Variants in KMT2C observed in about 807,000 individuals in gnomAD.
KMT2C encodes lysine methyltransferase 2C, also known as histone-lysine N-methyltransferase 2C.
KMT2C carries 88 observed loss-of-function variants against 507.9 expected under a neutral mutation model. The ratio of observed to expected loss-of-function variants is 0.17; its 90% CI spans 0.15 to 0.21. KMT2C has a LOEUF of 0.21. KMT2C is among the 10% of genes least tolerant of loss of function. The probability of loss-of-function intolerance (pLI) is 1.00; values close to 1 mark genes in which losing one functional copy is unlikely to be tolerated. For synonymous variants in KMT2C, 2,049 were observed against 2,080.8 expected, an observed-to-expected ratio of 0.98 and a Z score of 0.42; for missense variants, 4,954 against 5,957.8, an observed-to-expected ratio of 0.83 and a Z score of 5.55.
At chr7:152,290,273 TATATATATATATATATATATA>T (rs1421613398) in intron 6 of KMT2C, among the ~76,000 whole-genome samples, 63 of 29,694 alleles carry the variant, frequency 2.1e-3, no homozygotes, top group Non-Finnish European at 2.2e-3. Context: ...TATATATATA[TATATATATATATATATATATA>T]TTTTTTTTTT....
Position 152,136,812 on chromosome 7 carries a change from G to T in KMT2C, c.*20C>A, listed in dbSNP as rs752440002. 4 of 1,583,320 alleles carry T rather than the reference G, an allele frequency of 2.5e-6. No individual in the cohort carries two copies. Among genetic ancestry groups the T allele is most frequent in the Admixed American group, 1.7e-5 (1 of 60,000 alleles). Reference sequence around the variant, plus strand: ...TCTTCCTAGGGACAAGCCGCCCGCTGAGCTAGCAAGGAATGCATTTCAGTT... The same window carrying T: ...TCTTCCTAGGGACAAGCCGCCCGCTTAGCTAGCAAGGAATGCATTTCAGTT... On this transcript the variant is annotated 3_prime_UTR_variant, in exon 59 of 59. Transcript: ENST00000262189.
intron 3 of KMT2C, among the ~76,000 whole-genome samples, chr7:152,319,677 T>G (rs1230677236): frequency 6.6e-6 from 1 of 152,166 alleles, no homozygotes; most frequent in Non-Finnish European, 1.5e-5. Flanking sequence ...CGTCTGCCTG[T>G]GATGCCGTGC....
chr7:152,307,333 AGAGG>A (rs570606244), intron 6 of KMT2C, among the ~76,000 whole-genome samples: 486 of 108,020 alleles, frequency 4.5e-3, no homozygotes, highest in Middle Eastern at 0.015. Context: ...GAGGAAGGAA[AGAGG>A]GAGGGAGGGA....
chr7:152,326,929 T>C (rs2096834461), intron 3 of KMT2C, among the ~76,000 whole-genome samples: 2 of 152,322 alleles, frequency 1.3e-5, no homozygotes, highest in African/African-American at 4.8e-5. Flanking sequence ...CTGTTCATCC[T>C]ATTTTAAGGA....
chr7:152,294,022 CT>C (rs5888465), intron 6 of KMT2C, among the ~76,000 whole-genome samples: 11,616 of 133,062 alleles, frequency 0.087, 1,079 homozygotes, highest in African/African-American at 0.24. Context: ...CCACACCTGC[CT>C]TTTTTTTTTT....
rs9969322 is a variant in KMT2C, at chr7:152,136,607, T to G, written c.*225A>C. 1.7e-5 allele frequency: 9 copies of G among 527,196 alleles called. No homozygotes were observed. Among genetic ancestry groups the G allele is most frequent in the Non-Finnish European group, 3.0e-5 (9 of 296,554 alleles). 32.7% of individuals were successfully genotyped at this position (527,196 alleles called of 1,614,324 possible). On this transcript the variant is annotated 3_prime_UTR_variant, in exon 59 of 59. Coordinates refer to ENST00000262189, the MANE Select transcript of KMT2C (RefSeq NM_170606.3). ...AAAAAGCAAAAGTGCTGGACCATTC[T>G]GTGATTCCGTTTAACCTCGGCCACT...
At position 152,369,338 on chromosome 7, in the gene KMT2C, C is replaced by A. The variant is rs867376567; in HGVS notation, c.162-10663G>T. 3.1e-3 allele frequency among the ~76,000 whole-genome samples: 438 copies of A among 139,672 alleles called. 3 individuals are homozygous for A. Among genetic ancestry groups the A allele is most frequent in the Middle Eastern group, 0.011 (3 of 284 alleles). 91.6% of individuals were successfully genotyped at this position (139,672 alleles called of 152,430 possible). ...GCCCTGTCTCAAAAAAAAACAAAAA[C>A]AAAAAAAAAAACAAGATGGCAAATT... On this transcript the variant is annotated intron_variant, in intron 1 of 58. Transcript: ENST00000262189.
intron 6 of KMT2C, among the ~76,000 whole-genome samples, chr7:152,307,203 A>G (rs537242517): frequency 1.3e-3 from 105 of 77,820 alleles, no homozygotes; most frequent in Middle Eastern, 5.5e-3. Flanking sequence ...GGGAGGAAGG[A>G]AGGAAGGAAG....
chr7:152,194,187 G>A (rs2093895764), intron 30 of KMT2C, 42 bp downstream of exon 30: 1 of 1,560,104 alleles, frequency 6.4e-7, no homozygotes, highest in Non-Finnish European at 8.6e-7. Flanking sequence ...CCTGGTATGG[G>A]GAACGCCATT....
chr7:152,284,317 A>G (rs1047323713), intron 6 of KMT2C, among the ~76,000 whole-genome samples: 1 of 152,162 alleles, frequency 6.6e-6, no homozygotes, highest in Non-Finnish European at 1.5e-5. Flanking sequence ...ATATTCAATT[A>G]ATTTTTGACC....
chr7:152,274,733 T>C (rs2096050156), intron 6 of KMT2C, among the ~76,000 whole-genome samples: 1 of 152,190 alleles, frequency 6.6e-6, no homozygotes, highest in African/African-American at 2.4e-5. Context: ...GAAATGACTA[T>C]CTAACATAAA....
chr7:152,363,638 A>G (rs954757581), intron 1 of KMT2C, among the ~76,000 whole-genome samples: 4 of 152,176 alleles, frequency 2.6e-5, no homozygotes, highest in Non-Finnish European at 5.9e-5. Context: ...TTTAGAAACT[A>G]CCACACAGAG....
chr7:152,206,992 A>T lies in KMT2C; in HGVS notation c.3841+308T>A, dbSNP rs187139950. 8.4e-3 allele frequency among the ~76,000 whole-genome samples: 1,276 copies of T among 152,304 alleles called. 19 individuals carry two copies. The highest frequency in any genetic ancestry group is 0.029 in the African/African-American group (1,223 of 41,568). ...AGAAGTACACATCCAGAGGAACTATATAAATGGCCTTCAAAGTCCAAGTAT... is the reference window on the plus strand; with the variant it reads ...AGAAGTACACATCCAGAGGAACTATTTAAATGGCCTTCAAAGTCCAAGTAT... On this transcript the variant is annotated intron_variant, in intron 24 of 58. Transcript: ENST00000262189.
chr7:152,252,923 G>C (rs1437453981), intron 9 of KMT2C, among the ~76,000 whole-genome samples: 1 of 151,918 alleles, frequency 6.6e-6, no homozygotes, highest in African/African-American at 2.4e-5. Flanking sequence ...CGCAATCTTG[G>C]CTCACTGCAA....
intron 3 of KMT2C, among the ~76,000 whole-genome samples, chr7:152,329,970 C>T (rs1396015538): frequency 6.6e-6 from 1 of 151,762 alleles, no homozygotes; most frequent in South Asian, 2.1e-4. Context: ...ATGGTGAAAC[C>T]CTGTCTCTAC....
Position 152,177,899 on chromosome 7 carries a change from T to C in KMT2C, c.7554A>G (p.Val2518=). 1 of 1,612,752 alleles carries C rather than the reference T, an allele frequency of 6.2e-7. No individual in the cohort carries two copies. The highest frequency in any genetic ancestry group is 8.5e-7 in the Non-Finnish European group (1 of 1,179,904). ...SGVSPQLRRS[V]SVDMPRPLNN... Reference sequence around the variant, plus strand: ...TTAAAGGCCTAGGCATATCTACAGATACTGATCTTCTTAGCTGTGGAGAAA... The same window carrying C: ...TTAAAGGCCTAGGCATATCTACAGACACTGATCTTCTTAGCTGTGGAGAAA... Residue 2518 remains valine (V), a synonymous_variant, in exon 38 of 59, where the codon GTA becomes GTG. Transcript: ENST00000262189.
intron 2 of KMT2C, among the ~76,000 whole-genome samples, chr7:152,346,855 A>G (rs369966714): frequency 7.2e-4 from 110 of 152,338 alleles, no homozygotes; most frequent in African/African-American, 2.5e-3. Context: ...GGCCAGGCAC[A>G]GTGGCTCACA....
chr7:152,335,382 G>C (rs908788866), intron 2 of KMT2C, among the ~76,000 whole-genome samples: 78 of 152,158 alleles, frequency 5.1e-4, no homozygotes, highest in Non-Finnish European at 5.9e-5. Flanking sequence ...TAACAAGAAA[G>C]GGGAAGAGAA....
Position 152,177,605 on chromosome 7 carries a change from A to G in KMT2C, c.7848T>C (p.Pro2616=), listed in dbSNP as rs2129115076. 1 of 1,614,158 alleles carries G rather than the reference A, an allele frequency of 6.2e-7. No homozygotes were observed. The highest frequency in any genetic ancestry group is 8.5e-7 in the Non-Finnish European group (1 of 1,180,024). ...AATCTGGGTGCACAGGTAGCTGATT[A>G]GGTAGACCCTGGGGAGGTCGTCGCA... ...DPMRRPPQGL[P]NQLPVHPDLE... Residue 2616 remains proline, a synonymous_variant, in exon 38 of 59, where the codon CCT becomes CCC. Coordinates refer to ENST00000262189, the MANE Select transcript of KMT2C (RefSeq NM_170606.3).
Sources: gnomAD v4.1 joint callset for allele counts (sites outside exome capture counted in the v4.1 genomes callset) on GRCh38, gnomAD v4.1.1 for gene constraint, MANE v1.5 for transcripts, NCBI Gene and HGNC (gene_info 2026-07-23, HGNC 2026-07-21) for gene names.